The following MRTFB variants were observed in gnomAD, a reference collection of about 807,000 sequenced individuals.
The protein encoded by MRTFB is myocardin related transcription factor B, also known as myocardin-related transcription factor B.
MRTFB carries 29 observed loss-of-function variants against 104.2 expected under a neutral mutation model. The observed-to-expected ratio is 0.28, with a 90% CI of 0.21 to 0.38. The LOEUF is 0.38. Among genes scored for constraint, MRTFB ranks in the 10% least tolerant of loss-of-function variants. MRTFB has a pLI of 1.00. For missense variants in MRTFB, 1,270 were observed against 1,341.6 expected, an observed-to-expected ratio of 0.95 and a Z score of 0.83; for synonymous variants, 535 against 519.5, an observed-to-expected ratio of 1.03 and a Z score of -0.41.
At chr16:14,147,631 C>T (rs1597073024) in intron 3 of MRTFB, among the ~76,000 whole-genome samples, 1 of 152,244 alleles carries the variant, frequency 6.6e-6, no homozygotes, top group Admixed American at 6.5e-5. Flanking sequence ...TTACCTTCTC[C>T]CGTTTGTAGC....
intron 9 of MRTFB, among the ~76,000 whole-genome samples, chr16:14,234,790 G>A (rs1176257764): frequency 2.0e-5 from 3 of 152,008 alleles, no homozygotes; most frequent in Admixed American, 1.3e-4. Context: ...GCAAGACCCT[G>A]TCTCTTTAAA....
chr16:14,043,032 A>C, the MRTFB span, among the ~76,000 whole-genome samples: 1 of 152,210 alleles, frequency 6.6e-6, no homozygotes, highest in African/African-American at 2.4e-5. Flanking sequence ...TGGGCAGGAA[A>C]GGCCCGCAAA....
At chr16:14,236,775 T>C (rs1280061333) in intron 9 of MRTFB, among the ~76,000 whole-genome samples, 1 of 152,146 alleles carries the variant, frequency 6.6e-6, no homozygotes, top group Non-Finnish European at 1.5e-5. Flanking sequence ...GTATTACTGC[T>C]AAGGGAAGGA....
Position 14,262,307 on chromosome 16 carries a change from A to G in MRTFB, c.*863A>G, listed in dbSNP as rs183382356. ...GTATCCAAGGTCCTACTTTTTTAAT[A>G]GCTCGAATATTTCTAGAGTACTTGA... is the stretch of plus-strand genomic sequence containing the variant. On this transcript the variant is annotated 3_prime_UTR_variant, in exon 17 of 17. Transcript: ENST00000571589. The G allele has an allele frequency of 2.1e-4, 32 of 152,360 alleles. No homozygotes were observed. Among genetic ancestry groups the G allele is most frequent in the Admixed American group, 7.2e-4 (11 of 15,296 alleles). 9.4% of individuals were successfully genotyped at this position (152,360 alleles called of 1,614,324 possible).
intron 3 of MRTFB, among the ~76,000 whole-genome samples, chr16:14,203,530 A>G (rs765951214): frequency 4.6e-5 from 7 of 152,166 alleles, no homozygotes; most frequent in Non-Finnish European, 8.8e-5. Context: ...CACTTTAATT[A>G]CATCATATTA....
At chr16:14,244,669 C>G (rs533872006) in intron 10 of MRTFB, among the ~76,000 whole-genome samples, 1 of 152,260 alleles carries the variant, frequency 6.6e-6, no homozygotes, top group South Asian at 2.1e-4. Context: ...AATCATCTTT[C>G]ACTTATTTAT....
chr16:14,247,734 T>G, intron 12 of MRTFB: 1 of 552,972 alleles, frequency 1.8e-6, no homozygotes, highest in Non-Finnish European at 3.2e-6. Context: ...ACCTTTTCCC[T>G]TGAATGAACA....
intron 2 of MRTFB, among the ~76,000 whole-genome samples, chr16:14,127,919 ATATATATATATTTTTTT>A (rs2037216673): frequency 2.5e-5 from 1 of 39,318 alleles, no homozygotes; most frequent in Admixed American, 2.6e-4. Flanking sequence ...ATATATATAT[ATATATATATATTTTTTT>A]TTTTTTTTTT....
At chr16:13,998,102 C>T in the MRTFB span, among the ~76,000 whole-genome samples, 2 of 152,164 alleles carry the variant, frequency 1.3e-5, no homozygotes, top group South Asian at 2.1e-4. Context: ...GCCTCTGAGG[C>T]GTGCAGCAGG....
chr16:14,247,082 G>GGGC lies in MRTFB; in HGVS notation c.1823_1825dup (p.Gly608_Gln609insArg), dbSNP rs1567214905. On this transcript the variant is annotated inframe_insertion, in exon 12 of 17. Transcript: ENST00000571589. ...AATGCAACTTGAGGTTGAAAAACGA[G>GGGC]GGCAGCAGCAGCGGCCCCTGGAAGC... The GGGC allele has an allele frequency of 6.2e-7, 1 of 1,614,152 alleles. No homozygotes were observed. The highest frequency in any genetic ancestry group is 8.5e-7 in the Non-Finnish European group (1 of 1,180,034).
chr16:14,020,178 C>T, the MRTFB span, among the ~76,000 whole-genome samples: 1 of 152,144 alleles, frequency 6.6e-6, no homozygotes, highest in Non-Finnish European at 1.5e-5. Flanking sequence ...GTGTTAGCTT[C>T]CCCTCCCCTG....
At chr16:14,035,161 T>A in the MRTFB span, among the ~76,000 whole-genome samples, 1 of 152,268 alleles carries the variant, frequency 6.6e-6, no homozygotes, top group Middle Eastern at 3.4e-3. Flanking sequence ...CCTAAACAAA[T>A]GTAACCCCTG....
At chr16:14,125,473 G>C (rs58022686) in intron 2 of MRTFB, among the ~76,000 whole-genome samples, 1 of 152,388 alleles carries the variant, frequency 6.6e-6, no homozygotes, top group African/African-American at 2.4e-5. Flanking sequence ...GGAGCGGGCA[G>C]CTTGGAGGGG....
chr16:14,028,841 G>A, the MRTFB span, among the ~76,000 whole-genome samples: 1 of 77,142 alleles, frequency 1.3e-5, no homozygotes, highest in African/African-American at 3.0e-5. Context: ...CAGGCAGATT[G>A]TTTGTGCTCA....
intron 3 of MRTFB, among the ~76,000 whole-genome samples, chr16:14,168,362 C>G (rs2039317321): frequency 6.6e-6 from 1 of 152,182 alleles, no homozygotes; most frequent in Non-Finnish European, 1.5e-5. Flanking sequence ...ATTGCTATCA[C>G]CGCAGAAAGT....
At chr16:14,233,870 G>C (rs1156512470) in intron 8 of MRTFB, among the ~76,000 whole-genome samples, 2 of 149,304 alleles carry the variant, frequency 1.3e-5, no homozygotes, top group Non-Finnish European at 3.0e-5. Context: ...TGCCAATAAA[G>C]AGTGGGTTCT....
At chr16:14,066,753 A>G (rs1419972884), upstream of MRTFB, among the ~76,000 whole-genome samples, 3 of 151,362 alleles carry the variant, frequency 2.0e-5, no homozygotes, top group Non-Finnish European at 4.4e-5. Context: ...GCATCCTACA[A>G]CCCCCAACTC....
chr16:14,057,446 C>G, the MRTFB span, among the ~76,000 whole-genome samples: 1 of 152,110 alleles, frequency 6.6e-6, no homozygotes, highest in Non-Finnish European at 1.5e-5. Flanking sequence ...GTTCCCTTTC[C>G]TTTTCTTCTG....
chr16:14,042,447 G>C, the MRTFB span, among the ~76,000 whole-genome samples: 1 of 152,116 alleles, frequency 6.6e-6, no homozygotes, highest in South Asian at 2.1e-4. Context: ...TCTTGTTTTT[G>C]ATAGTGGCCA....
Sources: gnomAD v4.1 joint callset for allele counts (sites outside exome capture counted in the v4.1 genomes callset) on GRCh38, gnomAD v4.1.1 for gene constraint, MANE v1.5 for transcripts, NCBI Gene and HGNC (gene_info 2026-07-23, HGNC 2026-07-21) for gene names.